Variants in POU2F3 observed in about 807,000 individuals in gnomAD.
POU2F3 encodes POU class 2 homeobox 3.
A neutral mutation model predicts 59.2 loss-of-function variants in POU2F3; 23 were observed. The observed-to-expected ratio is 0.39, with a 90% CI of 0.28 to 0.55. The LOEUF (loss-of-function observed/expected upper bound fraction) is 0.55, where lower values mean the gene tolerates loss of function less well. POU2F3 is among the 20% of genes least tolerant of loss of function. POU2F3 has a pLI of 0.66. For missense variants in POU2F3, 473 were observed against 544.5 expected (o/e 0.87, Z 1.31); for synonymous variants, 190 against 214.6 (o/e 0.89, Z 1.00).
chr11:120,319,809 AG>A lies in POU2F3; in HGVS notation c.*1418del, dbSNP rs1459770392. Reference sequence around the variant, plus strand: ...TCTAGAGTCTGCTTTTTTGTGGGCCAGTTTGTAGAGATGTAACATGAAGCCA... The same window carrying A: ...TCTAGAGTCTGCTTTTTTGTGGGCCATTTGTAGAGATGTAACATGAAGCCA... On this transcript the variant is annotated 3_prime_UTR_variant, in exon 13 of 13. Coordinates refer to ENST00000543440, the MANE Select transcript of POU2F3 (RefSeq NM_014352.4). The A allele has an allele frequency of 6.6e-6, 1 of 152,074 alleles. No homozygotes were observed. Among genetic ancestry groups the A allele is most frequent in the Non-Finnish European group, 1.5e-5 (1 of 67,920 alleles). 9.4% of individuals were successfully genotyped at this position (152,074 alleles called of 1,614,324 possible).
intron 10 of POU2F3, among the ~76,000 whole-genome samples, chr11:120,313,280 T>C (rs1310722965): frequency 5.9e-5 from 9 of 152,200 alleles, no homozygotes; most frequent in African/African-American, 1.2e-4. Flanking sequence ...CCCCATCAGC[T>C]TTCATTCGAC....
intron 9 of POU2F3, among the ~76,000 whole-genome samples, chr11:120,309,045 T>C (rs1409029633): frequency 7.1e-6 from 1 of 141,096 alleles, no homozygotes; most frequent in Non-Finnish European, 1.5e-5. Flanking sequence ...CTCTGGGGAC[T>C]CTACCTGCCC....
At chr11:120,292,605 C>T (rs982186716) in intron 3 of POU2F3, among the ~76,000 whole-genome samples, 3 of 152,230 alleles carry the variant, frequency 2.0e-5, no homozygotes, top group African/African-American at 7.2e-5. Context: ...GAGAGGGTAG[C>T]TCTGTCCTCT....
upstream of POU2F3, chr11:120,240,113 C>T (rs1429206602): frequency 3.5e-6 from 4 of 1,157,010 alleles, no homozygotes; most frequent in Admixed American, 4.7e-5. Flanking sequence ...CGGCGGCCCC[C>T]GCCCCGCGCC....
chr11:120,236,830 T>A (rs1938515454), upstream of POU2F3: 5 of 970,610 alleles, frequency 5.2e-6, no homozygotes, highest in Non-Finnish European at 6.2e-6. Context: ...CAGGTGGGAC[T>A]TAGAGGGCAC....
intron 6 of POU2F3, 164 bp downstream of exon 6, chr11:120,302,532 G>C: frequency 3.3e-6 from 2 of 608,318 alleles, no homozygotes; most frequent in Non-Finnish European, 5.6e-6. Context: ...GCTACAGCAA[G>C]TGGGGGGACA....
chr11:120,255,331 G>T (rs1186888221), intron 2 of POU2F3, among the ~76,000 whole-genome samples: 1 of 152,110 alleles, frequency 6.6e-6, no homozygotes, highest in Non-Finnish European at 1.5e-5. Flanking sequence ...TCAGCTGCTT[G>T]GGCTGGAAAA....
intron 6 of POU2F3, chr11:120,304,207 T>A (rs1941419951): frequency 6.6e-6 from 1 of 151,908 alleles, no homozygotes; most frequent in African/African-American, 2.4e-5. Context: ...GGCACACGCC[T>A]GTAGCCCCAG....
rs543796263 is a variant in POU2F3, at chr11:120,245,224, C to T, written c.29-1225C>T. On this transcript the variant is annotated intron_variant, in intron 1 of 12. Transcript: ENST00000543440. ...TGCTACACTCCAGAGGTGTACACCT[C>T]GGCCGGAGCCACACACGTTAGTCCT... Among the ~76,000 whole-genome samples the T allele has an allele frequency of 1.4e-3, 208 of 152,264 alleles. 1 individual carries two copies. Among genetic ancestry groups the T allele is most frequent in the African/African-American group, 4.6e-3 (192 of 41,542 alleles).
Position 120,294,335 on chromosome 11 carries a change from C to T in POU2F3, c.133-3930C>T, listed in dbSNP as rs144737134. Among the ~76,000 whole-genome samples the T allele has an allele frequency of 5.8e-4, 89 of 152,316 alleles. No individual in the cohort carries two copies. In the East Asian group the frequency reaches 6.4e-3, roughly 11 times the overall value. On this transcript the variant is annotated intron_variant, in intron 3 of 12. Transcript: ENST00000543440. ...GGGCAGAGCACCCTGTGGTGACCCA[C>T]GTCTCCAGGGATGCGTCCGTCCCAA...
chr11:120,305,817 C>A, intron 8 of POU2F3, 32 bp downstream of exon 8: 5 of 1,610,604 alleles, frequency 3.1e-6, no homozygotes, highest in Non-Finnish European at 4.2e-6. Flanking sequence ...GCCAGGGGCC[C>A]TAGAGGGCTC....
At chr11:120,307,220 C>T (rs918469144) in intron 8 of POU2F3, among the ~76,000 whole-genome samples, 1 of 152,338 alleles carries the variant, frequency 6.6e-6, no homozygotes, top group East Asian at 1.9e-4. Context: ...GCTGTGGGGG[C>T]CACAGAGGGC....
intron 2 of POU2F3, chr11:120,259,125 G>A (rs778854720): frequency 1.3e-5 from 2 of 152,368 alleles, no homozygotes; most frequent in Non-Finnish European, 2.9e-5. Context: ...GACCGGCCTG[G>A]AGAGCAGGCT....
chr11:120,238,827 T>TAA (rs56948018), upstream of POU2F3, among the ~76,000 whole-genome samples: 120 of 48,342 alleles, frequency 2.5e-3, 4 homozygotes, highest in Non-Finnish European at 3.1e-3. Context: ...AGACTCTGTC[T>TAA]AAAAAAAAAA....
intron 3 of POU2F3, among the ~76,000 whole-genome samples, chr11:120,282,910 C>T (rs920411659): frequency 4.6e-5 from 7 of 152,246 alleles, no homozygotes; most frequent in East Asian, 1.9e-4. Flanking sequence ...GTGGGTTTTG[C>T]GGGCCACTTA....
chr11:120,307,829 C>T (rs1452095982), intron 9 of POU2F3, among the ~76,000 whole-genome samples: 1 of 152,178 alleles, frequency 6.6e-6, no homozygotes, highest in Non-Finnish European at 1.5e-5. Flanking sequence ...CCTCCACTGA[C>T]CCTTCTTGCC....
intron 6 of POU2F3, chr11:120,304,053 G>A (rs1297953399): frequency 2.0e-5 from 3 of 152,158 alleles, no homozygotes; most frequent in African/African-American, 7.2e-5. Context: ...ATAATATTTG[G>A]CTGGGCACGG....
At chr11:120,279,777 G>C (rs147160257) in intron 3 of POU2F3, among the ~76,000 whole-genome samples, 1 of 152,316 alleles carries the variant, frequency 6.6e-6, no homozygotes, top group African/African-American at 2.4e-5. Flanking sequence ...CAGAGGAACA[G>C]GAACAGCTGT....
At chr11:120,306,110 A>G (rs974080242) in intron 8 of POU2F3, among the ~76,000 whole-genome samples, 1 of 152,220 alleles carries the variant, frequency 6.6e-6, no homozygotes, top group Non-Finnish European at 1.5e-5. Context: ...GAGCAGATAC[A>G]CTTATGCAGA....
Sources: gnomAD v4.1 joint callset for allele counts (sites outside exome capture counted in the v4.1 genomes callset) on GRCh38, gnomAD v4.1.1 for gene constraint, MANE v1.5 for transcripts, NCBI Gene and HGNC (gene_info 2026-07-23, HGNC 2026-07-21) for gene names.